The following FNDC3A variants were observed in gnomAD, a reference collection of about 807,000 sequenced individuals.
FNDC3A encodes the protein fibronectin type III domain containing 3A.
A neutral mutation model predicts 148.9 loss-of-function variants in FNDC3A; 32 were observed. The ratio of observed to expected loss-of-function variants is 0.21; its 90% CI spans 0.16 to 0.29. The LOEUF (loss-of-function observed/expected upper bound fraction) is 0.29, where lower values mean the gene tolerates loss of function less well. Among genes scored for constraint, FNDC3A ranks in the 10% least tolerant of loss-of-function variants. The pLI is 1.00. For missense variants in FNDC3A, 1,191 were observed against 1,452.8 expected (o/e 0.82, Z 2.93); for synonymous variants, 472 against 473.6 (o/e 1.00, Z 0.04).
intron 2 of FNDC3A, among the ~76,000 whole-genome samples, chr13:49,040,448 A>G (rs1366557921): frequency 6.6e-6 from 1 of 152,226 alleles, no homozygotes; most frequent in Non-Finnish European, 1.5e-5. Context: ...CCAGTAGAGC[A>G]AGGTCTTCAA....
At chr13:49,180,421 T>C (rs1380511831) in intron 14 of FNDC3A, among the ~76,000 whole-genome samples, 2 of 152,196 alleles carry the variant, frequency 1.3e-5, no homozygotes, top group Non-Finnish European at 2.9e-5. Context: ...TTAGCTTCAT[T>C]TTAAAAACTT....
chr13:49,161,631 A>G (rs1199680368), intron 8 of FNDC3A, among the ~76,000 whole-genome samples: 2 of 152,098 alleles, frequency 1.3e-5, no homozygotes, highest in Non-Finnish European at 2.9e-5. Context: ...GTTATGCGTG[A>G]ATTTGATCCT....
intron 14 of FNDC3A, among the ~76,000 whole-genome samples, chr13:49,180,524 T>G (rs1412566625): frequency 6.6e-6 from 1 of 152,158 alleles, no homozygotes; most frequent in Non-Finnish European, 1.5e-5. Context: ...CCATTCCAGT[T>G]TTGTGATGAT....
rs1015628192 is a variant in FNDC3A at position 49,109,801 on chromosome 13, T to C, written c.176-4854T>C. Among the ~76,000 whole-genome samples the C allele has an allele frequency of 5.3e-5, 8 of 152,344 alleles. No individual in the cohort carries two copies. The Middle Eastern group carries it at 0.014, about 259-fold the overall frequency. On this transcript the variant is annotated intron_variant, in intron 3 of 25. Transcript: ENST00000492622. ...TTCTCTTAAGAGGCAAATAACAGCC[T>C]GAAACATAAATCCCACCTTTGAGAC... is the stretch of plus-strand genomic sequence containing the variant.
chr13:48,986,105 A>C (rs548831578), intron 1 of FNDC3A, among the ~76,000 whole-genome samples: 3 of 152,284 alleles, frequency 2.0e-5, no homozygotes, highest in African/African-American at 7.2e-5. Context: ...TGGGTTAAAG[A>C]AGTGAGAATT....
intron 2 of FNDC3A, among the ~76,000 whole-genome samples, chr13:49,061,396 C>CCCTTCCCTTCCCTT (rs1876701766): frequency 7.6e-5 from 1 of 13,164 alleles, no homozygotes; most frequent in African/African-American, 4.8e-4. Flanking sequence ...TCCCTTCCCT[C>CCCTTCCCTTCCCTT]CCCTTCCCTC....
chr13:49,146,520 T>TGAGTA (rs1404746313), intron 8 of FNDC3A: 2 of 152,432 alleles, frequency 1.3e-5, no homozygotes, highest in African/African-American at 4.8e-5. Flanking sequence ...GTGGATCACC[T>TGAGTA]GAGTTCAGCA....
At chr13:49,165,426 C>A (rs894332802) in intron 8 of FNDC3A, among the ~76,000 whole-genome samples, 1 of 152,158 alleles carries the variant, frequency 6.6e-6, no homozygotes, top group African/African-American at 2.4e-5. Flanking sequence ...TGTATAACTT[C>A]TGCTATAAAC....
At chr13:49,042,309 A>T (rs1436010111) in intron 2 of FNDC3A, among the ~76,000 whole-genome samples, 2 of 152,056 alleles carry the variant, frequency 1.3e-5, no homozygotes, top group Non-Finnish European at 2.9e-5. Flanking sequence ...TCTCCTGGTT[A>T]TCTTTGATTA....
chr13:49,051,643 A>T (rs775468335), intron 2 of FNDC3A, among the ~76,000 whole-genome samples: 2 of 152,212 alleles, frequency 1.3e-5, no homozygotes, highest in African/African-American at 2.4e-5. Context: ...GTTGATGACT[A>T]TGTGCTTAGA....
chr13:49,135,336 A>C (rs975227345), intron 5 of FNDC3A, among the ~76,000 whole-genome samples: 18 of 152,078 alleles, frequency 1.2e-4, no homozygotes, highest in Non-Finnish European at 1.6e-4. Context: ...GGTATCCTTT[A>C]GTGCAGAAAA....
intron 3 of FNDC3A, among the ~76,000 whole-genome samples, chr13:49,083,599 G>A (rs982578713): frequency 4.6e-5 from 7 of 152,140 alleles, no homozygotes; most frequent in Admixed American, 2.6e-4. Context: ...ATAGAAATGC[G>A]TGAAGGATGT....
At chr13:49,180,584 A>G (rs1322872561) in intron 14 of FNDC3A, among the ~76,000 whole-genome samples, 1 of 152,206 alleles carries the variant, frequency 6.6e-6, no homozygotes, top group Non-Finnish European at 1.5e-5. Context: ...CAGGTCTCCT[A>G]AAGAGGAAGT....
At chr13:49,011,974 G>A (rs1435525750) in intron 2 of FNDC3A, among the ~76,000 whole-genome samples, 2 of 152,046 alleles carry the variant, frequency 1.3e-5, no homozygotes, top group African/African-American at 4.8e-5. Context: ...GTTTTTCCAT[G>A]TATGTATAAC....
At chr13:49,109,043 A>AATCC (rs759085424) in intron 3 of FNDC3A, among the ~76,000 whole-genome samples, 2 of 152,168 alleles carry the variant, frequency 1.3e-5, no homozygotes, top group East Asian at 3.8e-4. Flanking sequence ...ATTATTAGAT[A>AATCC]ATCCTGCCTT....
intron 1 of FNDC3A, among the ~76,000 whole-genome samples, chr13:48,979,961 G>GT (rs1472172817): frequency 6.6e-6 from 1 of 152,084 alleles, no homozygotes; most frequent in Non-Finnish European, 1.5e-5. Context: ...AATTGGCAAA[G>GT]TAATTGTCCA....
At chr13:49,172,133 T>C in intron 11 of FNDC3A, 37 bp downstream of exon 11, 1 of 1,293,528 alleles carries the variant, frequency 7.7e-7, no homozygotes, top group East Asian at 2.4e-5. Flanking sequence ...GTTAACATTA[T>C]GTGCATATGT....
At chr13:49,108,733 G>A (rs1178044359) in intron 3 of FNDC3A, among the ~76,000 whole-genome samples, 1 of 152,188 alleles carries the variant, frequency 6.6e-6, no homozygotes, top group Non-Finnish European at 1.5e-5. Flanking sequence ...CAGAGACATG[G>A]TCGGATTTAC....
At chr13:49,193,343 C>T (rs1426577257) in intron 19 of FNDC3A, among the ~76,000 whole-genome samples, 1 of 152,138 alleles carries the variant, frequency 6.6e-6, no homozygotes. Context: ...TCACTGCAAC[C>T]TCAACCTCCC....
Sources: allele counts gnomAD v4.1 joint callset (sites outside exome capture counted in the v4.1 genomes callset), GRCh38; gene constraint gnomAD v4.1.1; transcripts MANE v1.5; gene names NCBI Gene and HGNC (gene_info 2026-07-23, HGNC 2026-07-21).